INPP4A: variants seen among roughly 807,000 people sequenced by gnomAD.
INPP4A encodes the protein inositol polyphosphate-4-phosphatase type I A.
Under a neutral mutation model 119.8 loss-of-function variants are expected in INPP4A, and 33 were observed. The ratio of observed to expected loss-of-function variants is 0.28; its 90% CI spans 0.21 to 0.37. The LOEUF (loss-of-function observed/expected upper bound fraction) is 0.37, where lower values mean the gene tolerates loss of function less well. Ranked by LOEUF, INPP4A falls within the 10% of genes least tolerant of loss-of-function variation. INPP4A has a pLI of 1.00. For synonymous variants in INPP4A, 496 were observed against 500.7 expected (o/e 0.99, Z 0.12); for missense variants, 956 against 1,289.9 (o/e 0.74, Z 3.97).
intron 24 of INPP4A, among the ~76,000 whole-genome samples, chr2:98,582,912 C>T (rs1699529901): frequency 6.6e-6 from 1 of 151,788 alleles, no homozygotes; most frequent in Non-Finnish European, 1.5e-5. Context: ...GAAAGATCAC[C>T]TACTGCATAA....
At position 98,554,223 on chromosome 2, in the gene INPP4A, C is replaced by A; in HGVS notation, c.1348-48C>A. The stretch of plus-strand genomic sequence containing the variant: ...TTTCTGAGATAAGGCAGGGGCCTCC[C>A]CAGCCCCTGGCCTGGGCTCAGCAGC... On this transcript the variant is annotated intron_variant, in intron 14 of 24. Coordinates refer to ENST00000409851, the MANE Select transcript of INPP4A (RefSeq NM_001134225.2). The surrounding 1 kb of genome is among the most constrained non-coding windows in gnomAD (Gnocchi z 4.7). 3 of 1,458,650 alleles carry A rather than the reference C, an allele frequency of 2.1e-6. No individual in the cohort carries two copies. The highest frequency in any genetic ancestry group is 1.2e-5 in the South Asian group (1 of 80,312). The allele number at this position is 1,458,650 out of a possible 1,614,324, so 90.4% of individuals were successfully genotyped here.
At chr2:98,510,333 A>C (rs1195509759) in intron 1 of INPP4A, among the ~76,000 whole-genome samples, 1 of 152,150 alleles carries the variant, frequency 6.6e-6, no homozygotes, top group African/African-American at 2.4e-5. Context: ...GTGAGGTGAA[A>C]GAGGAAGGCT....
intron 1 of INPP4A, among the ~76,000 whole-genome samples, chr2:98,514,910 G>A (rs1388237330): frequency 6.7e-6 from 1 of 149,638 alleles, no homozygotes; most frequent in African/African-American, 2.5e-5. Flanking sequence ...ACAAGACCCT[G>A]TCTCTAAAAG....
intron 4 of INPP4A, among the ~76,000 whole-genome samples, chr2:98,526,043 AAAC>A (rs1688123725): frequency 6.6e-6 from 1 of 152,276 alleles, no homozygotes; most frequent in African/African-American, 2.4e-5. Flanking sequence ...TCAAAACGGA[AAAC>A]AACCCAAATG....
intron 4 of INPP4A, among the ~76,000 whole-genome samples, chr2:98,526,997 C>T (rs79271021): frequency 0.015 from 2,357 of 152,280 alleles, 70 homozygotes; most frequent in African/African-American, 0.054. Flanking sequence ...ATACCTTCCA[C>T]CAGGCCCTAC....
chr2:98,458,127 C>T (rs1409200448), intron 1 of INPP4A, among the ~76,000 whole-genome samples: 4 of 152,104 alleles, frequency 2.6e-5, no homozygotes, highest in Middle Eastern at 3.4e-3. Context: ...CCTAACTTAA[C>T]GTTTAAACAA....
In INPP4A at chr2:98,555,775, C is replaced by T. The variant is rs1373670205; in HGVS notation, c.1789C>T (p.Pro597Ser). Residue 597 changes from proline to serine, a missense_variant, in exon 16 of 25, where the codon CCC becomes TCC. By Grantham distance (74) the Pro-to-Ser change is moderately conservative. This residue lies in a region of INPP4A where 652 missense variants were observed against 797.9 expected (regional missense o/e 0.82). Coordinates refer to ENST00000409851, the MANE Select transcript of INPP4A (RefSeq NM_001134225.2). Reference sequence around the variant, plus strand: ...CTCCTCACCATGCCCCTCCACCATGCCCTCCACTGCATGCCATCCTCATCT... The same window carrying T: ...CTCCTCACCATGCCCCTCCACCATGTCCTCCACTGCATGCCATCCTCATCT... ...VPSSPCPSTM[P>S]STACHPHLTT... 6.3e-7 allele frequency: 1 copy of T among 1,575,064 alleles called. No individual in the cohort carries two copies. The highest frequency in any genetic ancestry group is 8.6e-7 in the Non-Finnish European group (1 of 1,159,884).
Position 98,587,668 on chromosome 2 carries a change from A to T in INPP4A, c.*60A>T, listed in dbSNP as rs1004867791. On this transcript the variant is annotated 3_prime_UTR_variant, in exon 25 of 25. Coordinates refer to ENST00000409851, the MANE Select transcript of INPP4A (RefSeq NM_001134225.2). ...AAATGTGGGTACCCTCTAGTGTCAT[A>T]TATGAATTCTTCAAGAAGACCTGAA... The T allele has an allele frequency of 1.8e-5, 24 of 1,324,890 alleles. No homozygotes were observed. The highest frequency in any genetic ancestry group is 2.5e-5 in the Non-Finnish European group (24 of 973,892). 82.1% of individuals were successfully genotyped at this position (1,324,890 alleles called of 1,614,324 possible).
intron 4 of INPP4A, among the ~76,000 whole-genome samples, chr2:98,523,401 T>G (rs1013941682): frequency 4.5e-5 from 6 of 133,046 alleles, no homozygotes; most frequent in Non-Finnish European, 7.6e-5. Flanking sequence ...TGTTTTTTTG[T>G]TTTTTTTTTT....
intron 1 of INPP4A, among the ~76,000 whole-genome samples, chr2:98,462,070 A>G (rs763839660): frequency 7.2e-5 from 11 of 152,232 alleles, no homozygotes; most frequent in East Asian, 1.9e-4. Context: ...GTTTATTTCA[A>G]TTATGACCTG....
rs1462771944 is a variant in INPP4A, at chr2:98,590,333, G to A, written c.*2725G>A. 5.3e-6 allele frequency: 1 copy of A among 188,820 alleles called. No homozygotes were observed. Among genetic ancestry groups the A allele is most frequent in the African/African-American group, 2.3e-5 (1 of 42,834 alleles). 11.7% of individuals were successfully genotyped at this position (188,820 alleles called of 1,614,324 possible). On this transcript the variant is annotated 3_prime_UTR_variant, in exon 25 of 25. Transcript: ENST00000409851. ...TTGTTTCTGCCTAATTTGAAGCAGA[G>A]GGGCAACAGCGTTGAGGTTAAGAGC...
At chr2:98,571,158 A>G (rs1484251890) in intron 22 of INPP4A, among the ~76,000 whole-genome samples, 1 of 152,214 alleles carries the variant, frequency 6.6e-6, no homozygotes, top group Non-Finnish European at 1.5e-5. Flanking sequence ...GATTTGTCAC[A>G]TGCTCGCCAC....
At chr2:98,461,209 C>T (rs1311848358) in intron 1 of INPP4A, among the ~76,000 whole-genome samples, 1 of 152,216 alleles carries the variant, frequency 6.6e-6, no homozygotes, top group Non-Finnish European at 1.5e-5. Flanking sequence ...CCCTCCATCT[C>T]TAACTGGGAC....
intron 1 of INPP4A, among the ~76,000 whole-genome samples, chr2:98,504,721 C>G (rs555088149): frequency 6.6e-6 from 1 of 152,164 alleles, no homozygotes; most frequent in Non-Finnish European, 1.5e-5. Flanking sequence ...TTGACACTTG[C>G]GAATTAGAAG....
intron 16 of INPP4A, 128 bp downstream of exon 16, chr2:98,555,936 G>A (rs559703057): frequency 2.6e-5 from 31 of 1,178,850 alleles, no homozygotes; most frequent in South Asian, 9.5e-5. Context: ...CAGGTGGAGC[G>A]GGGGCGTCCC....
intron 10 of INPP4A, among the ~76,000 whole-genome samples, chr2:98,540,227 C>T (rs997626732): frequency 2.0e-5 from 3 of 152,154 alleles, no homozygotes; most frequent in East Asian, 1.9e-4. Context: ...CCACCATGCC[C>T]GGCCTTCCTT....
At chr2:98,526,357 A>G (rs1688180675) in intron 4 of INPP4A, among the ~76,000 whole-genome samples, 1 of 152,228 alleles carries the variant, frequency 6.6e-6, no homozygotes, top group African/African-American at 2.4e-5. Context: ...AGCTTTTTGT[A>G]TTTTATTGTA....
chr2:98,531,699 G>A (rs930692640), intron 4 of INPP4A, among the ~76,000 whole-genome samples: 1 of 152,140 alleles, frequency 6.6e-6, no homozygotes, highest in African/African-American at 2.4e-5. Flanking sequence ...TATTTAAAGG[G>A]CTTAGAGAAA....
intron 1 of INPP4A, among the ~76,000 whole-genome samples, chr2:98,471,706 T>A (rs1197088835): frequency 6.6e-6 from 1 of 152,220 alleles, no homozygotes; most frequent in Non-Finnish European, 1.5e-5. Flanking sequence ...AATCTATAAA[T>A]GTCGAAGCCT....
Sources: gnomAD v4.1 joint callset for allele counts (sites outside exome capture counted in the v4.1 genomes callset) on GRCh38, gnomAD v4.1.1 for gene constraint, gnomAD v4.1.1 regional missense constraint, Gnocchi (gnomAD v3.1) non-coding constraint, MANE v1.5 for transcripts, NCBI Gene and HGNC (gene_info 2026-07-23, HGNC 2026-07-21) for gene names.